ATP10B: variants seen among roughly 807,000 people sequenced by gnomAD.
ATP10B encodes the protein phospholipid-transporting ATPase VB.
In ATP10B, 122 loss-of-function variants were observed where a neutral mutation model predicts 141.2. The observed-to-expected ratio is 0.86, with a 90% CI of 0.75 to 1.00. The LOEUF is 1.00. Among genes scored for constraint, ATP10B ranks in the 50% least tolerant of loss-of-function variants. ATP10B has a pLI of 0.00. For synonymous variants in ATP10B, 685 were observed against 692.0 expected (o/e 0.99, Z 0.16); for missense variants, 1,876 against 1,825.3 (o/e 1.03, Z -0.51).
At chr5:160,918,260 G>A in the ATP10B span, among the ~76,000 whole-genome samples, 1 of 152,184 alleles carries the variant, frequency 6.6e-6, no homozygotes, top group Non-Finnish European at 1.5e-5. Context: ...GAGTATACTG[G>A]TTATAATTAG....
chr5:160,901,088 G>GGAT, the ATP10B span, among the ~76,000 whole-genome samples: 1 of 151,816 alleles, frequency 6.6e-6, no homozygotes. Flanking sequence ...TCAGAATGGG[G>GGAT]GATTTCTTCC....
chr5:160,752,575 T>C (rs1287939713), intron 2 of ATP10B, among the ~76,000 whole-genome samples: 1 of 152,236 alleles, frequency 6.6e-6, no homozygotes, highest in East Asian at 1.9e-4. Flanking sequence ...TCGTTCTTTT[T>C]TTCTTAATCA....
intron 2 of ATP10B, among the ~76,000 whole-genome samples, chr5:160,763,406 C>T (rs143458737): frequency 4.1e-4 from 63 of 152,060 alleles, no homozygotes; most frequent in African/African-American, 1.4e-3. Context: ...AACTCCAAGA[C>T]GAACCTTCAA....
At chr5:160,675,219 C>A (rs2127731540) in intron 6 of ATP10B, among the ~76,000 whole-genome samples, 1 of 152,308 alleles carries the variant, frequency 6.6e-6, no homozygotes, top group South Asian at 2.1e-4. Flanking sequence ...CCTGGACTGT[C>A]CCCCTACTAG....
intron 4 of ATP10B, among the ~76,000 whole-genome samples, 182 bp from the exon 5 acceptor site, chr5:160,688,276 T>A (rs1763884761): frequency 6.6e-6 from 1 of 152,180 alleles, no homozygotes. Flanking sequence ...TTCCTAAAGA[T>A]AGGATTTCTG....
In ATP10B at chr5:160,565,042, G is replaced by A. The variant is rs188701118; in HGVS notation, c.*411C>T. On this transcript the variant is annotated 3_prime_UTR_variant, in exon 26 of 26. Transcript: ENST00000327245. ...CTGAAACTTTAACTCTGGGCACTGA[G>A]GGGTAAATAAACCCAGAAACTTCCA... is the stretch of plus-strand genomic sequence containing the variant. 1.3e-4 allele frequency: 24 copies of A among 179,246 alleles called. No homozygotes were observed. The highest frequency in any genetic ancestry group is 8.8e-4 in the Admixed American group (16 of 18,150). The allele number at this position is 179,246 out of a possible 1,614,324, so 11.1% of individuals were successfully genotyped here. A position where few individuals can be genotyped will look rare whatever the true frequency, so the allele number is the denominator to read the frequency against.
intron 25 of ATP10B, among the ~76,000 whole-genome samples, chr5:160,568,381 C>A (rs1383592245): frequency 1.3e-5 from 2 of 152,144 alleles, no homozygotes; most frequent in Non-Finnish European, 2.9e-5. Context: ...GTTAAGCAAA[C>A]CACCAAACTT....
intron 18 of ATP10B, among the ~76,000 whole-genome samples, chr5:160,611,609 A>G (rs1352115941): frequency 6.6e-6 from 1 of 151,834 alleles, no homozygotes; most frequent in South Asian, 2.1e-4. Flanking sequence ...GGCATTTTTC[A>G]TAATCTACAC....
At chr5:160,776,131 C>A (rs1211515199) in intron 2 of ATP10B, among the ~76,000 whole-genome samples, 1 of 152,124 alleles carries the variant, frequency 6.6e-6, no homozygotes, top group Non-Finnish European at 1.5e-5. Flanking sequence ...GCAGGCATGT[C>A]AAGGGATTTG....
At chr5:160,881,339 G>C in the ATP10B span, among the ~76,000 whole-genome samples, 1 of 152,128 alleles carries the variant, frequency 6.6e-6, no homozygotes, top group African/African-American at 2.4e-5. Context: ...TTCACTACTG[G>C]TGGAAATGTA....
chr5:160,623,380 TG>T (rs1392149415), intron 13 of ATP10B, among the ~76,000 whole-genome samples: 4 of 152,148 alleles, frequency 2.6e-5, no homozygotes, highest in African/African-American at 9.7e-5. Flanking sequence ...GAGGACATTA[TG>T]GGGTGGTGGG....
upstream of ATP10B, among the ~76,000 whole-genome samples, chr5:160,853,788 T>C (rs1753923482): frequency 6.6e-6 from 1 of 152,196 alleles, no homozygotes; most frequent in Non-Finnish European, 1.5e-5. Context: ...AAATAATAGA[T>C]AAGAAATGCT....
chr5:160,736,577 T>C (rs60005114), intron 2 of ATP10B, among the ~76,000 whole-genome samples: 12,753 of 152,166 alleles, frequency 0.084, 560 homozygotes, highest in Middle Eastern at 0.11. Flanking sequence ...CTGACCAATA[T>C]GGTGAAACCC....
chr5:160,857,807 G>T, the ATP10B span, among the ~76,000 whole-genome samples: 275 of 151,878 alleles, frequency 1.8e-3, 2 homozygotes, highest in South Asian at 5.6e-3. Context: ...AGTGTTTTCA[G>T]ATTTCTTTTA....
intron 6 of ATP10B, among the ~76,000 whole-genome samples, chr5:160,673,293 C>A (rs190139653): frequency 6.6e-6 from 1 of 152,078 alleles, no homozygotes; most frequent in South Asian, 2.1e-4. Flanking sequence ...TAAATTTTTG[C>A]GGGTGCATAG....
At chr5:160,828,649 C>T (rs573751262) in intron 1 of ATP10B, among the ~76,000 whole-genome samples, 22 of 151,572 alleles carry the variant, frequency 1.5e-4, no homozygotes, top group East Asian at 3.9e-4. Flanking sequence ...GTCAGTGTGG[C>T]GATTCCTCAG....
chr5:160,578,467 T>C (rs1755334205), intron 24 of ATP10B, among the ~76,000 whole-genome samples: 2 of 152,188 alleles, frequency 1.3e-5, no homozygotes, highest in Non-Finnish European at 2.9e-5. Context: ...TGTGTTAGTT[T>C]CCTGAGAATG....
chr5:160,833,090 C>T (rs1440919906), intron 1 of ATP10B, among the ~76,000 whole-genome samples: 1 of 152,140 alleles, frequency 6.6e-6, no homozygotes, highest in Non-Finnish European at 1.5e-5. Flanking sequence ...CATCAGTCTA[C>T]TGAAGGCTGG....
intron 7 of ATP10B, among the ~76,000 whole-genome samples, chr5:160,652,802 T>A (rs866336489): frequency 6.2e-5 from 6 of 96,128 alleles, no homozygotes; most frequent in African/African-American, 2.9e-4. Context: ...ATATAATATA[T>A]TATATAATAT....
Sources: gnomAD v4.1 joint callset for allele counts (sites outside exome capture counted in the v4.1 genomes callset) on GRCh38, gnomAD v4.1.1 for gene constraint, MANE v1.5 for transcripts, NCBI Gene and HGNC (gene_info 2026-07-23, HGNC 2026-07-21) for gene names.